The following FAM163A variants were observed in gnomAD, a reference collection of about 807,000 sequenced individuals.
The protein encoded by FAM163A is protein FAM163A.
A neutral mutation model predicts 12.0 loss-of-function variants in FAM163A; 7 were observed. The ratio of observed to expected loss-of-function variants is 0.58; its 90% CI spans 0.33 to 1.10. The LOEUF (loss-of-function observed/expected upper bound fraction) is 1.10. FAM163A is among the 50% of genes least tolerant of loss of function. FAM163A has a pLI of 0.03. For missense variants in FAM163A, 202 were observed against 218.6 expected (o/e 0.92, Z 0.48); for synonymous variants, 101 against 91.0 (o/e 1.11, Z -0.62).
At chr1:179,769,312 AT>A (rs978180794) in intron 1 of FAM163A, among the ~76,000 whole-genome samples, 10 of 149,274 alleles carry the variant, frequency 6.7e-5, no homozygotes, top group African/African-American at 2.0e-4. Context: ...TGCCTGGCTA[AT>A]TTTTTCAATT....
chr1:179,775,878 G>A (rs56965719), intron 1 of FAM163A, among the ~76,000 whole-genome samples: 26,959 of 152,072 alleles, frequency 0.18, 2,889 homozygotes, highest in African/African-American at 0.31. Flanking sequence ...TAACTCTGTT[G>A]AGGTGAGGCT....
In FAM163A at chr1:179,783,691, CCA is replaced by C. The variant is rs1159197072; in HGVS notation, c.-135-24101_-135-24100del. On this transcript the variant is annotated intron_variant, in intron 1 of 4. Transcript: ENST00000341785. ...AACCGTCAGCCACTATGTAGGACTGCCACACACTTGGCACTTTTTTATACTTC... is the reference window on the plus strand; with the variant it reads ...AACCGTCAGCCACTATGTAGGACTGCCACACTTGGCACTTTTTTATACTTC... Among the ~76,000 whole-genome samples, 4 of 125,928 alleles carry C rather than the reference CCA, an allele frequency of 3.2e-5. No individual in the cohort carries two copies. The East Asian group carries it at 8.4e-4, about 27-fold the overall frequency. The allele number at this position is 125,928 out of a possible 152,430, so 82.6% of individuals were successfully genotyped here. A position where few individuals can be genotyped will look rare whatever the true frequency, so the allele number is the denominator to read the frequency against.
intron 1 of FAM163A, among the ~76,000 whole-genome samples, chr1:179,794,548 C>T (rs570248489): frequency 2.6e-5 from 4 of 152,168 alleles, no homozygotes; most frequent in Non-Finnish European, 5.9e-5. Context: ...CTGACAATAA[C>T]ATGAAACTAG....
chr1:179,813,316 C>A, intron 4 of FAM163A, 126 bp downstream of exon 4: 1 of 954,968 alleles, frequency 1.0e-6, no homozygotes, highest in Non-Finnish European at 1.6e-6. Flanking sequence ...ATGTAGCAGG[C>A]GTAAGTCAAG....
chr1:179,806,152 C>T (rs990630243), intron 1 of FAM163A, among the ~76,000 whole-genome samples: 6 of 152,228 alleles, frequency 3.9e-5, no homozygotes, highest in African/African-American at 1.2e-4. Context: ...AAAGCATCCA[C>T]GGATCCTGAG....
intron 1 of FAM163A, among the ~76,000 whole-genome samples, chr1:179,771,386 C>T (rs1688265040): frequency 6.6e-6 from 1 of 152,222 alleles, no homozygotes; most frequent in African/African-American, 2.4e-5. Flanking sequence ...CTGAGGCGCC[C>T]TGTGAGAGCT....
chr1:179,780,662 C>T (rs2148174760), intron 1 of FAM163A, among the ~76,000 whole-genome samples: 1 of 152,294 alleles, frequency 6.6e-6, no homozygotes, highest in East Asian at 1.9e-4. Flanking sequence ...TTAACAGGTC[C>T]TCCAGGTGAT....
chr1:179,757,616 A>G (rs1421803987), intron 1 of FAM163A, among the ~76,000 whole-genome samples: 1 of 152,146 alleles, frequency 6.6e-6, no homozygotes, highest in East Asian at 1.9e-4. Context: ...GTTCGAGACC[A>G]GACTGGCCAA....
chr1:179,808,991 C>T (rs1193597728), intron 2 of FAM163A, among the ~76,000 whole-genome samples: 1 of 152,164 alleles, frequency 6.6e-6, no homozygotes, highest in Non-Finnish European at 1.5e-5. Context: ...CCTTTGGTCC[C>T]AGCTACTTGG....
At chr1:179,783,003 G>T (rs1443328903) in intron 1 of FAM163A, among the ~76,000 whole-genome samples, 2 of 152,114 alleles carry the variant, frequency 1.3e-5, no homozygotes, top group East Asian at 3.9e-4. Flanking sequence ...GGTGGTGCAT[G>T]CCTGTAATCC....
chr1:179,743,056 C>G (rs550328891), upstream of FAM163A: 1 of 152,452 alleles, frequency 6.6e-6, no homozygotes, highest in African/African-American at 2.4e-5. Flanking sequence ...GTTCCCAGGG[C>G]GCCCGCCTCC....
chr1:179,768,629 C>T (rs993143301), intron 1 of FAM163A, among the ~76,000 whole-genome samples: 41 of 150,082 alleles, frequency 2.7e-4, no homozygotes, highest in Admixed American at 1.7e-3. Context: ...TTTTTTGAGG[C>T]GGAGTCTCAC....
Position 179,807,027 on chromosome 1 carries a change from G to A in FAM163A, c.-135-771G>A, listed in dbSNP as rs1033707512. Among the ~76,000 whole-genome samples the A allele has an allele frequency of 1.2e-4, 18 of 151,776 alleles. No individual in the cohort carries two copies. In the East Asian group the frequency reaches 1.4e-3, roughly 11 times the overall value. Reference sequence around the variant, plus strand: ...TGAGGCGGGAGAATAGCTTGAACCCGGGAGGCCGAGGTTGCAGTGGCACTC... The same window carrying A: ...TGAGGCGGGAGAATAGCTTGAACCCAGGAGGCCGAGGTTGCAGTGGCACTC... On this transcript the variant is annotated intron_variant, in intron 1 of 4. Transcript: ENST00000341785.
At chr1:179,793,355 A>G (rs960810261) in intron 1 of FAM163A, among the ~76,000 whole-genome samples, 4 of 152,260 alleles carry the variant, frequency 2.6e-5, no homozygotes, top group African/African-American at 9.6e-5. Context: ...AAAGCAGGTT[A>G]TACTTTCCAA....
intron 2 of FAM163A, among the ~76,000 whole-genome samples, chr1:179,809,297 T>C (rs1148823): frequency 0.28 from 42,974 of 151,884 alleles, 6,211 homozygotes; most frequent in Middle Eastern, 0.36. Flanking sequence ...CAAAGAGCTC[T>C]CACACCCATC....
At chr1:179,811,559 T>C (rs1281501544) in intron 2 of FAM163A, among the ~76,000 whole-genome samples, 1 of 152,148 alleles carries the variant, frequency 6.6e-6, no homozygotes, top group Non-Finnish European at 1.5e-5. Flanking sequence ...TGCTCCCAGG[T>C]GATGCCCACG....
intron 1 of FAM163A, among the ~76,000 whole-genome samples, chr1:179,772,277 A>C (rs1270012591): frequency 6.6e-6 from 1 of 152,168 alleles, no homozygotes; most frequent in Non-Finnish European, 1.5e-5. Context: ...GCTGTCCCAC[A>C]GGCTCTCACA....
In FAM163A at chr1:179,813,767, C is replaced by T. The variant is rs1310305878; in HGVS notation, c.94-12C>T. 5 of 1,613,616 alleles carry T rather than the reference C, an allele frequency of 3.1e-6. No homozygotes were observed. Among genetic ancestry groups the T allele is most frequent in the Non-Finnish European group, 4.2e-6 (5 of 1,179,974 alleles). ...TTCACCCTCTCAGGCATCCCTCTGC[C>T]CTTCCGCACAGTATTACTGCTGCAA... On this transcript the variant is annotated splice_polypyrimidine_tract_variant and intron_variant, in intron 4 of 4. Transcript: ENST00000341785.
upstream of FAM163A, among the ~76,000 whole-genome samples, chr1:179,740,792 T>C (rs1295772871): frequency 6.6e-6 from 1 of 152,154 alleles, no homozygotes; most frequent in East Asian, 1.9e-4. Context: ...ATGAGGGATC[T>C]TGCGGTGGTG....
Sources: gnomAD v4.1 joint callset for allele counts (sites outside exome capture counted in the v4.1 genomes callset) on GRCh38, gnomAD v4.1.1 for gene constraint, MANE v1.5 for transcripts, NCBI Gene and HGNC (gene_info 2026-07-23, HGNC 2026-07-21) for gene names.